Variants in FAM227B observed in about 807,000 individuals in gnomAD.
FAM227B encodes the protein family with sequence similarity 227 member B.
A neutral mutation model predicts 73.8 loss-of-function variants in FAM227B; 88 were observed. That is an observed-to-expected ratio of 1.19 (90% CI 1.00 to 1.42). The LOEUF (loss-of-function observed/expected upper bound fraction) is 1.42. Among genes scored for constraint, FAM227B ranks in the 40% most tolerant of loss-of-function variants. FAM227B has a pLI of 0.00. For missense variants in FAM227B, 632 were observed against 590.9 expected (o/e 1.07, Z -0.72); for synonymous variants, 210 against 190.5 (o/e 1.10, Z -0.84).
intron 11 of FAM227B, among the ~76,000 whole-genome samples, chr15:49,471,181 CATT>C (rs2151965359): frequency 6.6e-6 from 1 of 152,188 alleles, no homozygotes; most frequent in East Asian, 1.9e-4. Context: ...TCCAAACCAT[CATT>C]AAGAATATGG....
chr15:49,359,179 C>G (rs1296274389), intron 13 of FAM227B, among the ~76,000 whole-genome samples: 1 of 148,588 alleles, frequency 6.7e-6, no homozygotes, highest in Non-Finnish European at 1.5e-5. Flanking sequence ...TAGGCATGGG[C>G]AAGGACTTCA....
chr15:49,538,021 G>C (rs1057259617), intron 10 of FAM227B, among the ~76,000 whole-genome samples: 3 of 152,058 alleles, frequency 2.0e-5, no homozygotes, highest in Non-Finnish European at 4.4e-5. Context: ...TAATGTACTA[G>C]TTAATAAAAC....
chr15:49,365,732 C>A, intron 13 of FAM227B: 1 of 883,668 alleles, frequency 1.1e-6, no homozygotes. Flanking sequence ...TCCAAGATAT[C>A]TTGTAAAATC....
chr15:49,579,385 T>G (rs957116567), intron 5 of FAM227B, among the ~76,000 whole-genome samples: 1 of 152,180 alleles, frequency 6.6e-6, no homozygotes, highest in African/African-American at 2.4e-5. Context: ...AGCTAAGGTA[T>G]GGAACCAATC....
chr15:49,347,188 A>C (rs1471250375), intron 13 of FAM227B, among the ~76,000 whole-genome samples: 1 of 152,242 alleles, frequency 6.6e-6, no homozygotes, highest in Admixed American at 6.5e-5. Flanking sequence ...CACTTATTCA[A>C]GTAAAATAAT....
intron 11 of FAM227B, among the ~76,000 whole-genome samples, chr15:49,420,687 A>G (rs1231917199): frequency 6.6e-6 from 1 of 152,158 alleles, no homozygotes; most frequent in African/African-American, 2.4e-5. Flanking sequence ...TATATTATAC[A>G]TGATTATGAA....
intron 11 of FAM227B, among the ~76,000 whole-genome samples, chr15:49,472,436 G>A (rs1392410073): frequency 2.0e-5 from 3 of 152,180 alleles, no homozygotes; most frequent in African/African-American, 7.2e-5. Context: ...ACTTTTGGAA[G>A]TTGCCATAGG....
At chr15:49,583,669 A>G (rs2075964616) in intron 5 of FAM227B, among the ~76,000 whole-genome samples, 1 of 151,824 alleles carries the variant, frequency 6.6e-6, no homozygotes, top group African/African-American at 2.4e-5. Flanking sequence ...AAAAAAAAAA[A>G]ATTATATGGG....
At chr15:49,524,004 G>T (rs1298759573) in intron 10 of FAM227B, among the ~76,000 whole-genome samples, 3 of 150,754 alleles carry the variant, frequency 2.0e-5, no homozygotes, top group Non-Finnish European at 3.0e-5. Flanking sequence ...AGTTTTAAAG[G>T]GAAACAGAGC....
chr15:49,350,085 G>C (rs889210939), intron 13 of FAM227B, among the ~76,000 whole-genome samples: 1 of 152,090 alleles, frequency 6.6e-6, no homozygotes, highest in Non-Finnish European at 1.5e-5. Context: ...GTATGTGTTG[G>C]CTTTCTGATA....
Position 49,568,342 on chromosome 15 carries a change from T to C in FAM227B, c.650A>G (p.Asp217Gly). ...WWWFLHKFRP[D>G]RENQDCLFDR... ...GAATAAGCAATCTTGGTTTTCTCTG[T>C]CAGGCTTAAAAAAATGTGTGAAATT... Residue 217 changes from aspartate to glycine, a missense_variant, in exon 9 of 16, where the codon GAC becomes GGC. Transcript: ENST00000299338. 6.2e-7 allele frequency: 1 copy of C among 1,604,258 alleles called. No individual in the cohort carries two copies. Among genetic ancestry groups the C allele is most frequent in the Non-Finnish European group, 8.5e-7 (1 of 1,176,210 alleles).
chr15:49,470,242 C>T (rs2054616985), intron 11 of FAM227B, among the ~76,000 whole-genome samples: 1 of 40,852 alleles, frequency 2.4e-5, no homozygotes, highest in Non-Finnish European at 6.7e-5. Flanking sequence ...CCTTATAATT[C>T]TTTAACACTG....
At chr15:49,526,481 A>T (rs1479845389) in intron 10 of FAM227B, among the ~76,000 whole-genome samples, 2 of 152,156 alleles carry the variant, frequency 1.3e-5, no homozygotes, top group Non-Finnish European at 2.9e-5. Context: ...CATTTACCCC[A>T]AGGAACTAGA....
At chr15:49,496,042 A>T (rs2057573838) in intron 11 of FAM227B, among the ~76,000 whole-genome samples, 2 of 152,142 alleles carry the variant, frequency 1.3e-5, no homozygotes, top group African/African-American at 4.8e-5. Context: ...AATAAATAAA[A>T]TAAATAAATA....
chr15:49,556,238 T>TC (rs60477685), intron 9 of FAM227B, among the ~76,000 whole-genome samples: 3 of 70,246 alleles, frequency 4.3e-5, no homozygotes, highest in Non-Finnish European at 7.9e-5. Flanking sequence ...TTTCTTTGGA[T>TC]TTTTTTTTCT....
At chr15:49,510,466 C>G (rs1317691963) in intron 10 of FAM227B, among the ~76,000 whole-genome samples, 1 of 152,120 alleles carries the variant, frequency 6.6e-6, no homozygotes, top group Non-Finnish European at 1.5e-5. Context: ...TAGCTCCAAA[C>G]TGCTCCCCCC....
intron 11 of FAM227B, among the ~76,000 whole-genome samples, chr15:49,388,195 C>A (rs1039402029): frequency 6.6e-6 from 1 of 151,706 alleles, no homozygotes; most frequent in Non-Finnish European, 1.5e-5. Flanking sequence ...GCAAAAAGAA[C>A]AAATTTGGAG....
At chr15:49,474,990 A>T (rs981142318) in intron 11 of FAM227B, among the ~76,000 whole-genome samples, 30 of 128,876 alleles carry the variant, frequency 2.3e-4, no homozygotes, top group African/African-American at 9.4e-4. Flanking sequence ...TTAAAATTCA[A>T]ACTATAAAAG....
At chr15:49,344,213 TATC>T (rs1333877019) in intron 13 of FAM227B, 2 of 152,152 alleles carry the variant, frequency 1.3e-5, no homozygotes, top group African/African-American at 2.4e-5. Context: ...GAAAGAAAAT[TATC>T]ATAATCCCAT....
Sources: gnomAD v4.1 joint callset for allele counts (sites outside exome capture counted in the v4.1 genomes callset) on GRCh38, gnomAD v4.1.1 for gene constraint, MANE v1.5 for transcripts, NCBI Gene and HGNC (gene_info 2026-07-23, HGNC 2026-07-21) for gene names.